Variants in KATNIP observed in about 807,000 individuals in gnomAD.
The protein encoded by KATNIP is katanin interacting protein, also known as katanin-interacting protein.
In KATNIP, 126 loss-of-function variants were observed where a neutral mutation model predicts 174.0. The ratio of observed to expected loss-of-function variants is 0.72; its 90% CI spans 0.63 to 0.84. The LOEUF (loss-of-function observed/expected upper bound fraction) is 0.84, where lower values mean the gene tolerates loss of function less well. Among genes scored for constraint, KATNIP ranks in the 40% least tolerant of loss-of-function variants. KATNIP has a pLI of 0.00. For synonymous variants in KATNIP, 810 were observed against 835.7 expected, an observed-to-expected ratio of 0.97 and a Z score of 0.53; for missense variants, 1,958 against 2,109.7, an observed-to-expected ratio of 0.93 and a Z score of 1.41.
intron 7 of KATNIP, chr16:27,678,912 GAGA>G (rs1480935659): frequency 6.6e-6 from 1 of 152,426 alleles, no homozygotes. Flanking sequence ...AGGGAGGAGA[GAGA>G]AGGACTTGAT....
At chr16:27,698,642 TCAGA>T (rs930893271) in intron 9 of KATNIP, 142 bp downstream of exon 9, 3 of 801,984 alleles carry the variant, frequency 3.7e-6, no homozygotes, top group African/African-American at 3.5e-5. Flanking sequence ...TTTCCACTGT[TCAGA>T]CAGTCACCCA....
At chr16:27,706,666 C>T (rs370642751) in intron 12 of KATNIP, among the ~76,000 whole-genome samples, 2 of 152,298 alleles carry the variant, frequency 1.3e-5, no homozygotes, top group African/African-American at 4.8e-5. Context: ...TTTTCATTTA[C>T]GAACGCAGCT....
intron 2 of KATNIP, among the ~76,000 whole-genome samples, chr16:27,606,170 A>T (rs2075697745): frequency 6.6e-6 from 1 of 152,166 alleles, no homozygotes; most frequent in South Asian, 2.1e-4. Context: ...ATACTTTCTC[A>T]TTTAACTCAT....
intron 5 of KATNIP, among the ~76,000 whole-genome samples, chr16:27,645,313 A>G (rs925922409): frequency 6.6e-6 from 1 of 152,154 alleles, no homozygotes; most frequent in Admixed American, 6.5e-5. Flanking sequence ...ATGAAGATTC[A>G]TGAGTGGTGT....
chr16:27,750,424 T>C (rs535730172), intron 16 of KATNIP, 118 bp downstream of exon 16: 2 of 1,052,254 alleles, frequency 1.9e-6, no homozygotes, highest in East Asian at 2.6e-5. Flanking sequence ...TCTTTCTTTT[T>C]TTTTTTTTTT....
At position 27,750,132 on chromosome 16, in the gene KATNIP, C is replaced by A; in HGVS notation, c.3172C>A (p.His1058Asn). Residue 1058 changes from histidine (H) to asparagine (N), a missense_variant, in exon 16 of 28, where the codon CAC (histidine) becomes AAC (asparagine). Physicochemically the swap from His to Asn is moderately conservative, Grantham distance 68. Coordinates refer to ENST00000261588, the MANE Select transcript of KATNIP (RefSeq NM_015202.5). ...WLAPFTRGRS[H>N]SITIDFTHPC... ...GGCCCCCTTCACGCGGGGCAGATCC[C>A]ACTCCATCACCATTGACTTCACGCA... 1 of 1,614,186 alleles carries A rather than the reference C, an allele frequency of 6.2e-7. No homozygotes were observed. The highest frequency in any genetic ancestry group is 8.5e-7 in the Non-Finnish European group (1 of 1,180,046).
chr16:27,591,262 G>A (rs2075153806), intron 2 of KATNIP, among the ~76,000 whole-genome samples: 1 of 151,154 alleles, frequency 6.6e-6, no homozygotes, highest in Non-Finnish European at 1.5e-5. Flanking sequence ...TTGGCTCACT[G>A]CACCCTCCGC....
At chr16:27,607,045 GT>G (rs958339825) in intron 2 of KATNIP, among the ~76,000 whole-genome samples, 2 of 152,102 alleles carry the variant, frequency 1.3e-5, no homozygotes, top group African/African-American at 4.8e-5. Flanking sequence ...TTCCAGGAGG[GT>G]CCTTGGGAGG....
At chr16:27,719,909 T>C (rs1243058269) in intron 13 of KATNIP, among the ~76,000 whole-genome samples, 1 of 151,642 alleles carries the variant, frequency 6.6e-6, no homozygotes, top group Non-Finnish European at 1.5e-5. Context: ...TGGCCTCAAG[T>C]GATCCTCCTG....
rs1263742804 is a variant in KATNIP at position 27,628,779 on chromosome 16, G to C, written c.259G>C (p.Ala87Pro). The change falls in exon 4 of 28, where the codon GCT becomes CCT. Residue 87 changes from alanine to proline, a missense_variant. Transcript: ENST00000261588. ...NSELKSSPRK[A>P]IHSDFSRSAS... ...GGAGCTGAAATCATCACCGCGGAAA[G>C]CTATTCACTCTGACTTCTCCAGAAG... 1.9e-6 allele frequency: 3 copies of C among 1,614,084 alleles called. No individual in the cohort carries two copies. Among genetic ancestry groups the C allele is most frequent in the African/African-American group, 2.7e-5 (2 of 74,922 alleles).
At chr16:27,604,006 G>T in intron 2 of KATNIP, among the ~76,000 whole-genome samples, 1 of 152,064 alleles carries the variant, frequency 6.6e-6, no homozygotes, top group East Asian at 1.9e-4. Flanking sequence ...CAAAGTTTTG[G>T]GAATACAAGT....
At chr16:27,588,124 T>C (rs2090971351) in intron 2 of KATNIP, among the ~76,000 whole-genome samples, 1 of 151,984 alleles carries the variant, frequency 6.6e-6, no homozygotes, top group Non-Finnish European at 1.5e-5. Context: ...ACTCCTGAAC[T>C]CAAGCGACCC....
intron 15 of KATNIP, among the ~76,000 whole-genome samples, chr16:27,746,130 A>G (rs1447544485): frequency 6.6e-6 from 1 of 152,010 alleles, no homozygotes; most frequent in Non-Finnish European, 1.5e-5. Context: ...GTGCCCGGCC[A>G]TCTACTCCTC....
chr16:27,696,818 T>C (rs959522199), intron 8 of KATNIP, among the ~76,000 whole-genome samples: 1 of 151,796 alleles, frequency 6.6e-6, no homozygotes, highest in African/African-American at 2.4e-5. Flanking sequence ...AACCTCTGCC[T>C]CCTGGGTTCA....
At chr16:27,762,922 C>A (rs1368966396) in intron 19 of KATNIP, among the ~76,000 whole-genome samples, 1 of 152,208 alleles carries the variant, frequency 6.6e-6, no homozygotes, top group East Asian at 1.9e-4. Context: ...TATCTGTTGG[C>A]AAATCCCAGG....
intron 2 of KATNIP, among the ~76,000 whole-genome samples, chr16:27,582,118 AAG>A (rs2141789629): frequency 6.6e-6 from 1 of 152,262 alleles, no homozygotes; most frequent in Non-Finnish European, 1.5e-5. Flanking sequence ...GATTACAGAA[AAG>A]ACAGGTGACT....
intron 5 of KATNIP, among the ~76,000 whole-genome samples, chr16:27,645,165 A>G (rs2076921211): frequency 6.6e-6 from 1 of 152,198 alleles, no homozygotes. Flanking sequence ...CGAATGAAAC[A>G]TACACCTGAG....
Position 27,618,487 on chromosome 16 carries a change from T to C in KATNIP, c.126T>C (p.Leu42=), listed in dbSNP as rs199519583. 4.3e-5 allele frequency: 69 copies of C among 1,612,118 alleles called. No individual in the cohort carries two copies. Among genetic ancestry groups the C allele is most frequent in the East Asian group, 1.6e-4 (7 of 44,882 alleles). The stretch of plus-strand genomic sequence containing the variant: ...AACATGATGAGTATTTAATATTGCT[T>C]CAGCAGAGGAACCGGTAAGAGAAGC... ...DEKHDEYLIL[L]QQRNRILKHL... is the part of the protein sequence containing the mutation. The change falls in exon 3 of 28, where the codon CTT becomes CTC. Residue 42 remains leucine (L), a synonymous_variant. Transcript: ENST00000261588.
At chr16:27,576,500 G>T (rs1450459431) in intron 2 of KATNIP, among the ~76,000 whole-genome samples, 1 of 152,006 alleles carries the variant, frequency 6.6e-6, no homozygotes, top group Non-Finnish European at 1.5e-5. Context: ...TAAAGGCTTG[G>T]CGAAGTGGCT....
Sources: allele counts gnomAD v4.1 joint callset (sites outside exome capture counted in the v4.1 genomes callset), GRCh38; gene constraint gnomAD v4.1.1; transcripts MANE v1.5; gene names NCBI Gene and HGNC (gene_info 2026-07-23, HGNC 2026-07-21).